Variants in CMTR1 observed in about 807,000 individuals in gnomAD.
CMTR1 encodes the protein cap methyltransferase 1.
A neutral mutation model predicts 107.0 loss-of-function variants in CMTR1; 39 were observed. The observed-to-expected ratio is 0.36, with a 90% confidence interval of 0.28 to 0.48. The LOEUF (loss-of-function observed/expected upper bound fraction) is 0.48, where lower values mean the gene tolerates loss of function less well. CMTR1 is among the 20% of genes least tolerant of loss of function. The pLI, the probability that CMTR1 is intolerant of heterozygous loss-of-function variation, is 0.99. For synonymous variants in CMTR1, 366 were observed against 379.5 expected (o/e 0.96, Z 0.41); for missense variants, 672 against 1,064.9 (o/e 0.63, Z 5.14).
At chr6:37,426,531 CTCAGGTCTTTTTTTTTT>C in the CMTR1 span, among the ~76,000 whole-genome samples, 1 of 151,556 alleles carries the variant, frequency 6.6e-6, no homozygotes. Context: ...TTAAGGTCTC[CTCAGGTCTTTTTTTTTT>C]TCTGAGATGC....
chr6:37,439,759 G>T (rs867919320), intron 2 of CMTR1, among the ~76,000 whole-genome samples: 1 of 152,122 alleles, frequency 6.6e-6, no homozygotes, highest in East Asian at 1.9e-4. Flanking sequence ...GGCCATTAGC[G>T]GTTGGAGCTG....
intron 2 of CMTR1, among the ~76,000 whole-genome samples, chr6:37,441,164 G>A (rs546474706): frequency 1.3e-5 from 2 of 152,286 alleles, no homozygotes; most frequent in Non-Finnish European, 2.9e-5. Flanking sequence ...AGGCATGAAA[G>A]CAACTGAGTG....
intron 4 of CMTR1, among the ~76,000 whole-genome samples, chr6:37,447,065 T>A (rs919366807): frequency 3.9e-5 from 6 of 152,204 alleles, no homozygotes; most frequent in Non-Finnish European, 1.5e-5. Context: ...TTATGTCCTA[T>A]CTTATTCCGT....
chr6:37,456,433 A>G (rs966277597), intron 8 of CMTR1, among the ~76,000 whole-genome samples: 10 of 152,316 alleles, frequency 6.6e-5, no homozygotes, highest in African/African-American at 2.4e-4. Context: ...GGATGATGAC[A>G]TTTATTTTTA....
chr6:37,467,994 T>C lies in CMTR1; in HGVS notation c.1506-3027T>C, dbSNP rs1039829924. Among the ~76,000 whole-genome samples the C allele has an allele frequency of 6.0e-5, 9 of 150,970 alleles. No homozygotes were observed. The East Asian group carries it at 1.2e-3, about 20-fold the overall frequency. ...GCTTTAAATCCCCTATCTTGGTTGT[T>C]TGATTTCTATTTATCCTGTCTGCTC... is the stretch of plus-strand genomic sequence containing the variant. On this transcript the variant is annotated intron_variant, in intron 13 of 23. Coordinates refer to ENST00000373451, the MANE Select transcript of CMTR1 (RefSeq NM_015050.3).
At chr6:37,426,229 T>TA in the CMTR1 span, among the ~76,000 whole-genome samples, 1 of 152,190 alleles carries the variant, frequency 6.6e-6, no homozygotes, top group East Asian at 1.9e-4. Context: ...TTGAGCATCT[T>TA]AAGACTTTTT....
intron 12 of CMTR1, 129 bp from the exon 13 acceptor site, chr6:37,462,700 T>A: frequency 1.3e-6 from 1 of 790,984 alleles, no homozygotes; most frequent in Non-Finnish European, 2.1e-6. Flanking sequence ...TCTGTGTTGT[T>A]CTTTGTGCGT....
intron 13 of CMTR1, among the ~76,000 whole-genome samples, chr6:37,465,658 G>C (rs1761492512): frequency 6.6e-6 from 1 of 152,116 alleles, no homozygotes; most frequent in South Asian, 2.1e-4. Flanking sequence ...ACCACCCCCA[G>C]CTAATTTTTG....
chr6:37,443,967 C>T (rs1581730453), intron 2 of CMTR1, 32 bp from the exon 3 acceptor site: 5 of 1,608,920 alleles, frequency 3.1e-6, no homozygotes, highest in African/African-American at 2.7e-5. Context: ...GTGCCATAAA[C>T]CTACCTAAAC....
Position 37,463,131 on chromosome 6 carries a change from T to C in CMTR1, c.1505+123T>C, listed in dbSNP as rs1761435981. 4 of 994,902 alleles carry C rather than the reference T, an allele frequency of 4.0e-6. No homozygotes were observed. In the African/African-American group the frequency reaches 4.8e-5, roughly 12 times the overall value. 61.6% of individuals were successfully genotyped at this position (994,902 alleles called of 1,614,324 possible). A position where few individuals can be genotyped will look rare whatever the true frequency, so the allele number is the denominator to read the frequency against. The stretch of plus-strand genomic sequence containing the variant: ...ACCCTGACAAATTGGCAACTGGGTT[T>C]GGTCTGCTGGTTTCAGGGCTCCCTG... On this transcript the variant is annotated intron_variant, in intron 13 of 23. Coordinates refer to ENST00000373451, the MANE Select transcript of CMTR1 (RefSeq NM_015050.3).
At chr6:37,455,608 T>C (rs1761275507) in intron 8 of CMTR1, among the ~76,000 whole-genome samples, 1 of 152,166 alleles carries the variant, frequency 6.6e-6, no homozygotes, top group African/African-American at 2.4e-5. Context: ...CTGTGAAGCA[T>C]TGCAGAAGAC....
At chr6:37,445,596 G>T (rs1487768143) in intron 3 of CMTR1, among the ~76,000 whole-genome samples, 1 of 143,136 alleles carries the variant, frequency 7.0e-6, no homozygotes, top group Non-Finnish European at 1.5e-5. Flanking sequence ...TCATGCCATT[G>T]TCCTGCCTCA....
chr6:37,452,984 G>T, intron 6 of CMTR1, 63 bp from the exon 7 acceptor site: 2 of 1,460,608 alleles, frequency 1.4e-6, no homozygotes, highest in East Asian at 4.5e-5. Flanking sequence ...GTTGGGCACT[G>T]CAGGGTCTTA....
chr6:37,474,633 A>T lies in CMTR1; in HGVS notation c.1931A>T (p.Glu644Val). 1 of 1,613,914 alleles carries T rather than the reference A, an allele frequency of 6.2e-7. No individual in the cohort carries two copies. Among genetic ancestry groups the T allele is most frequent in the Non-Finnish European group, 8.5e-7 (1 of 1,179,858 alleles). Reference protein sequence around the residue: ...DTLLSVEIVHELKGEGKAQRK... With the variant: ...DTLLSVEIVHVLKGEGKAQRK... ...CTGCTATCTGTGGAAATTGTGCATGAGCTGAAAGGGGAGGTCAGAGATGGT... is the reference window on the plus strand; with the variant it reads ...CTGCTATCTGTGGAAATTGTGCATGTGCTGAAAGGGGAGGTCAGAGATGGT... The change falls in exon 18 of 24, where the codon GAG (glutamate) becomes GTG (valine). Residue 644 changes from glutamate (E) to valine (V), a missense_variant. Coordinates refer to ENST00000373451, the MANE Select transcript of CMTR1 (RefSeq NM_015050.3).
At chr6:37,424,222 T>C in the CMTR1 span, among the ~76,000 whole-genome samples, 1 of 150,308 alleles carries the variant, frequency 6.7e-6, no homozygotes, top group South Asian at 2.1e-4. Context: ...GTACCCTCAC[T>C]ATCTGCCTAA....
chr6:37,432,552 T>C (rs1050294023), upstream of CMTR1, among the ~76,000 whole-genome samples: 1 of 152,116 alleles, frequency 6.6e-6, no homozygotes, highest in Non-Finnish European at 1.5e-5. Flanking sequence ...TATGAGAAAC[T>C]TTGGGGTATG....
At chr6:37,449,287 T>TGTTATGTTAC (rs1200925990) in intron 4 of CMTR1, among the ~76,000 whole-genome samples, 4 of 151,204 alleles carry the variant, frequency 2.6e-5, no homozygotes, top group African/African-American at 7.3e-5. Context: ...TGTTATGTTA[T>TGTTATGTTAC]GTTATGTTAT....
chr6:37,468,772 A>G (rs1441527441), intron 13 of CMTR1, among the ~76,000 whole-genome samples: 1 of 151,924 alleles, frequency 6.6e-6, no homozygotes. Context: ...AATCCCAGCT[A>G]CTCGGGAGGC....
chr6:37,437,492 A>G (rs578015141), intron 2 of CMTR1, among the ~76,000 whole-genome samples: 5 of 142,234 alleles, frequency 3.5e-5, no homozygotes, highest in African/African-American at 8.2e-5. Context: ...GTGCCACTGC[A>G]CTACACGGAG....
Sources: allele counts gnomAD v4.1 joint callset (sites outside exome capture counted in the v4.1 genomes callset), GRCh38; gene constraint gnomAD v4.1.1; transcripts MANE v1.5; gene names NCBI Gene and HGNC (gene_info 2026-07-23, HGNC 2026-07-21).